The following SGCZ variants were observed in gnomAD, a reference collection of about 807,000 sequenced individuals.
SGCZ encodes zeta-sarcoglycan.
In SGCZ, 40 loss-of-function variants were observed where a neutral mutation model predicts 41.3. The observed-to-expected ratio is 0.97, with a 90% CI of 0.75 to 1.26. The LOEUF (loss-of-function observed/expected upper bound fraction) is 1.26. Ranked by LOEUF, SGCZ falls within the 50% of genes most tolerant of loss-of-function variation. The pLI, the probability that SGCZ is intolerant of heterozygous loss-of-function variation, is 0.00. For synonymous variants in SGCZ, 206 were observed against 137.5 expected (o/e 1.50, Z -3.49); for missense variants, 552 against 369.8 (o/e 1.49, Z -4.04).
chr8:14,967,397 C>T (rs1801157320), intron 1 of SGCZ, among the ~76,000 whole-genome samples: 1 of 152,114 alleles, frequency 6.6e-6, no homozygotes, highest in Non-Finnish European at 1.5e-5. Context: ...TATTTCCATG[C>T]ATCTTCATGC....
chr8:14,559,547 A>G (rs2117203061), intron 1 of SGCZ, among the ~76,000 whole-genome samples: 1 of 152,238 alleles, frequency 6.6e-6, no homozygotes, highest in South Asian at 2.1e-4. Flanking sequence ...TGTGAAAACG[A>G]CCATACTTCC....
At chr8:14,313,236 G>A (rs1050289314) in intron 3 of SGCZ, among the ~76,000 whole-genome samples, 1 of 152,050 alleles carries the variant, frequency 6.6e-6, no homozygotes, top group Admixed American at 6.6e-5. Flanking sequence ...CTTAATAATT[G>A]GTAGTAGGAA....
At position 14,852,308 on chromosome 8, in the gene SGCZ, T is replaced by G. The variant is rs147875451; in HGVS notation, c.40-297382A>C. Among the ~76,000 whole-genome samples, 327 of 152,300 alleles carry G rather than the reference T, an allele frequency of 2.1e-3. 1 individual carries two copies. The highest frequency in any genetic ancestry group is 3.4e-3 in the Middle Eastern group (1 of 294). On this transcript the variant is annotated intron_variant, in intron 1 of 7. Coordinates refer to ENST00000382080, the MANE Select transcript of SGCZ (RefSeq NM_139167.4). ...GTAGAAATAGTTCATCAAGGTAAAA[T>G]GTATTCTACAGTCATAATACTTTGT...
intron 5 of SGCZ, among the ~76,000 whole-genome samples, chr8:14,117,952 A>G (rs1802576820): frequency 7.1e-6 from 1 of 141,100 alleles, no homozygotes; most frequent in Admixed American, 7.5e-5. Context: ...CATGGTTTAT[A>G]TGTGCCACAT....
intron 3 of SGCZ, among the ~76,000 whole-genome samples, chr8:14,254,519 T>C (rs915647627): frequency 1.3e-5 from 2 of 152,148 alleles, no homozygotes; most frequent in Admixed American, 6.6e-5. Flanking sequence ...AATGAATGAA[T>C]AGTGTTAAAA....
intron 1 of SGCZ, among the ~76,000 whole-genome samples, chr8:15,100,173 C>T (rs1386868297): frequency 1.3e-5 from 2 of 152,126 alleles, no homozygotes; most frequent in African/African-American, 4.8e-5. Context: ...CTTGAATTTT[C>T]GGATGACTTG....
intron 1 of SGCZ, among the ~76,000 whole-genome samples, chr8:14,673,302 G>A (rs1006663805): frequency 6.6e-6 from 1 of 152,172 alleles, no homozygotes; most frequent in Non-Finnish European, 1.5e-5. Context: ...GGACCTGGTG[G>A]GAGGTGATTG....
rs1563404523 is a variant in SGCZ, at chr8:14,551,526, TATATATAA to T, written c.234+3198_234+3205del. Among the ~76,000 whole-genome samples, 24 of 3,478 alleles carry T rather than the reference TATATATAA, an allele frequency of 6.9e-3. 3 individuals are homozygous for T. The highest frequency in any genetic ancestry group is 0.031 in the Admixed American group (5 of 160). The allele number at this position is 3,478 out of a possible 152,430, so 2.3% of individuals were successfully genotyped here. ...TATATATTATATATATTATATATAATATATATAATATATATAATATATATAATATATAT... is the reference window on the plus strand; with the variant it reads ...TATATATTATATATATTATATATAATTATATATAATATATATAATATATAT... On this transcript the variant is annotated intron_variant, in intron 2 of 7. Coordinates refer to ENST00000382080, the MANE Select transcript of SGCZ (RefSeq NM_139167.4).
intron 1 of SGCZ, among the ~76,000 whole-genome samples, chr8:15,104,192 G>C (rs575474549): frequency 6.6e-6 from 1 of 152,186 alleles, no homozygotes; most frequent in East Asian, 1.9e-4. Flanking sequence ...TCTGTTTTTT[G>C]AGGTCATCCT....
intron 1 of SGCZ, among the ~76,000 whole-genome samples, chr8:14,847,172 A>G (rs1442989051): frequency 1.3e-5 from 2 of 148,256 alleles, no homozygotes; most frequent in Non-Finnish European, 3.0e-5. Context: ...GAAGAAGAAG[A>G]AGAAGAAGAA....
intron 1 of SGCZ, among the ~76,000 whole-genome samples, chr8:14,703,381 A>C (rs1809230721): frequency 6.6e-6 from 1 of 151,688 alleles, no homozygotes. Flanking sequence ...TATTCCACAT[A>C]TTTGCACGAC....
intron 1 of SGCZ, among the ~76,000 whole-genome samples, chr8:14,766,395 C>T (rs1200037154): frequency 6.6e-6 from 1 of 152,106 alleles, no homozygotes; most frequent in Middle Eastern, 3.4e-3. Flanking sequence ...AATTTGTTTA[C>T]TTATTGGATC....
intron 1 of SGCZ, among the ~76,000 whole-genome samples, chr8:15,119,714 T>C (rs1281611556): frequency 1.3e-5 from 2 of 152,182 alleles, no homozygotes; most frequent in Non-Finnish European, 1.5e-5. Flanking sequence ...TCATTATCAT[T>C]AGCAGAACTT....
At position 14,936,806 on chromosome 8, in the gene SGCZ, T is replaced by C. The variant is rs10094773; in HGVS notation, c.39+300779A>G. On this transcript the variant is annotated intron_variant, in intron 1 of 7. Coordinates refer to ENST00000382080, the MANE Select transcript of SGCZ (RefSeq NM_139167.4). ...GAAATTATGAAGAAAGTGTAACTAA[T>C]GATTCAAAAAACAAATCAAGATAAA... is the stretch of plus-strand genomic sequence containing the variant. Among the ~76,000 whole-genome samples, 652 of 152,012 alleles carry C rather than the reference T, an allele frequency of 4.3e-3. 4 individuals are homozygous for C. The highest frequency in any genetic ancestry group is 0.015 in the African/African-American group (627 of 41,550).
At chr8:15,157,649 T>C (rs76902885) in intron 1 of SGCZ, among the ~76,000 whole-genome samples, 1,578 of 152,186 alleles carry the variant, frequency 0.01, 26 homozygotes, top group African/African-American at 0.035. Flanking sequence ...TGAACATGTC[T>C]TGTCTCTTCC....
chr8:15,045,923 A>G (rs1435426566), intron 1 of SGCZ, among the ~76,000 whole-genome samples: 1 of 152,098 alleles, frequency 6.6e-6, no homozygotes, highest in Non-Finnish European at 1.5e-5. Flanking sequence ...ATATCCAGAT[A>G]CTGGGTAATA....
intron 1 of SGCZ, among the ~76,000 whole-genome samples, chr8:14,772,436 T>A (rs1211070994): frequency 2.0e-5 from 3 of 151,964 alleles, no homozygotes; most frequent in Admixed American, 6.6e-5. Context: ...CTTTTTTTTT[T>A]CATTATTATA....
intron 1 of SGCZ, among the ~76,000 whole-genome samples, chr8:14,761,858 G>C (rs28525454): frequency 0.011 from 1,711 of 152,100 alleles, 34 homozygotes; most frequent in African/African-American, 0.039. Context: ...TTCTAATCTA[G>C]ATAAGTTTTG....
At chr8:14,260,585 T>C (rs1326299922) in intron 3 of SGCZ, among the ~76,000 whole-genome samples, 2 of 148,582 alleles carry the variant, frequency 1.3e-5, no homozygotes, top group Admixed American at 1.4e-4. Flanking sequence ...GACCCAGCCA[T>C]CCCATTACTG....
Sources: allele counts gnomAD v4.1 joint callset (sites outside exome capture counted in the v4.1 genomes callset), GRCh38; gene constraint gnomAD v4.1.1; transcripts MANE v1.5; gene names NCBI Gene and HGNC (gene_info 2026-07-23, HGNC 2026-07-21).